MCCC2: variants seen among roughly 807,000 people sequenced by gnomAD.
MCCC2 encodes methylcrotonoyl-CoA carboxylase beta chain, mitochondrial.
Under a neutral mutation model 77.2 loss-of-function variants are expected in MCCC2, and 52 were observed. That is an observed-to-expected ratio of 0.67 (90% CI 0.54 to 0.85). The LOEUF (loss-of-function observed/expected upper bound fraction) is 0.85. MCCC2 is among the 40% of genes least tolerant of loss of function. The pLI is 0.00. For missense variants in MCCC2, 682 were observed against 703.2 expected, an observed-to-expected ratio of 0.97 and a Z score of 0.34; for synonymous variants, 253 against 248.4, an observed-to-expected ratio of 1.02 and a Z score of -0.18.
chr5:71,652,337 G>A (rs933635792), intron 15 of MCCC2, among the ~76,000 whole-genome samples: 5 of 152,130 alleles, frequency 3.3e-5, no homozygotes, highest in African/African-American at 1.2e-4. Context: ...TTCTTAACTG[G>A]AGGTTGCTAA....
rs866955568 is a variant in MCCC2, at chr5:71,587,412, C to T, written c.-14C>T. ...GGCCAGCGTGGGCCGCTCTCTCGCT[C>T]GGTGCCCGCCGCCATGTGGGCCGTC... On this transcript the variant is annotated 5_prime_UTR_variant, in exon 1 of 17. Coordinates refer to ENST00000340941, the MANE Select transcript of MCCC2 (RefSeq NM_022132.5). The T allele has an allele frequency of 9.1e-6, 14 of 1,533,044 alleles. No homozygotes were observed. Among genetic ancestry groups the T allele is most frequent in the African/African-American group, 1.4e-5 (1 of 72,870 alleles). The allele number at this position is 1,533,044 out of a possible 1,614,324, so 95.0% of individuals were successfully genotyped here. A position where few individuals can be genotyped will look rare whatever the true frequency, so the allele number is the denominator to read the frequency against.
chr5:71,644,357 A>G (rs1056228675), intron 12 of MCCC2, among the ~76,000 whole-genome samples: 1 of 152,122 alleles, frequency 6.6e-6, no homozygotes, highest in Non-Finnish European at 1.5e-5. Context: ...ATTCTCTTCT[A>G]TCCCATTATC....
At chr5:71,594,913 T>TA (rs1366819273) in intron 2 of MCCC2, among the ~76,000 whole-genome samples, 2 of 149,468 alleles carry the variant, frequency 1.3e-5, no homozygotes, top group African/African-American at 2.5e-5. Flanking sequence ...TTTTTTTTTT[T>TA]ACTGAGACGG....
chr5:71,626,758 G>C lies in MCCC2; in HGVS notation c.738+5G>C, dbSNP rs767622814. ...TTCTTGGCAGGACCCCCCTTGGTAA[G>C]AACATAAGAACGTTGGTCGATGGAA... On this transcript the variant is annotated splice_donor_5th_base_variant and intron_variant, in intron 7 of 16. Coordinates refer to ENST00000340941, the MANE Select transcript of MCCC2 (RefSeq NM_022132.5). The C allele has an allele frequency of 2.5e-6, 4 of 1,612,324 alleles. No individual in the cohort carries two copies. Among genetic ancestry groups the C allele is most frequent in the Non-Finnish European group, 3.4e-6 (4 of 1,178,414 alleles).
intron 10 of MCCC2, among the ~76,000 whole-genome samples, chr5:71,637,726 T>C (rs1746977952): frequency 6.6e-6 from 1 of 152,146 alleles, no homozygotes; most frequent in Admixed American, 6.5e-5. Context: ...GGGTAGAACT[T>C]TGTTTTTTTT....
At chr5:71,656,617 A>C in intron 16 of MCCC2, 126 bp from the exon 17 acceptor site, 2 of 793,328 alleles carry the variant, frequency 2.5e-6, no homozygotes, top group South Asian at 1.4e-5. Flanking sequence ...ATTATGGTAC[A>C]TGGATGCTAA....
intron 6 of MCCC2, among the ~76,000 whole-genome samples, chr5:71,609,588 C>T (rs1217426222): frequency 1.3e-5 from 2 of 150,316 alleles, no homozygotes; most frequent in African/African-American, 4.9e-5. Flanking sequence ...ATTCCCCATC[C>T]AGCTTTGTTC....
chr5:71,599,856 T>C (rs1457293738), intron 4 of MCCC2, 96 bp downstream of exon 4: 1 of 963,142 alleles, frequency 1.0e-6, no homozygotes, highest in Non-Finnish European at 1.7e-6. Flanking sequence ...AGCATGCGAT[T>C]TGTATGCTAT....
chr5:71,632,267 C>T, intron 8 of MCCC2, 82 bp downstream of exon 8: 1 of 1,381,362 alleles, frequency 7.2e-7, no homozygotes, highest in Non-Finnish European at 1.0e-6. Flanking sequence ...GTATTTGTTT[C>T]CAGTGCTAAA....
intron 4 of MCCC2, among the ~76,000 whole-genome samples, chr5:71,601,715 C>G (rs1322356693): frequency 6.6e-6 from 1 of 152,140 alleles, no homozygotes; most frequent in Non-Finnish European, 1.5e-5. Flanking sequence ...ACACAAACAT[C>G]AGAAACATAA....
At chr5:71,633,548 T>C (rs969454818) in intron 8 of MCCC2, among the ~76,000 whole-genome samples, 27 of 134,298 alleles carry the variant, frequency 2.0e-4, no homozygotes, top group African/African-American at 6.8e-4. Context: ...TTGGGGGTGA[T>C]GAATTTTTTT....
At chr5:71,626,900 C>G (rs1351550017) in intron 7 of MCCC2, 147 bp downstream of exon 7, 3 of 775,368 alleles carry the variant, frequency 3.9e-6, no homozygotes, top group Non-Finnish European at 6.6e-6. Flanking sequence ...TTCAGTACAG[C>G]TTGGTGACGT....
intron 10 of MCCC2, among the ~76,000 whole-genome samples, chr5:71,639,510 G>A (rs546162126): frequency 7.2e-5 from 11 of 152,076 alleles, no homozygotes; most frequent in Non-Finnish European, 1.2e-4. Flanking sequence ...CCTTGCTCTG[G>A]ATTAAAGGGA....
intron 15 of MCCC2, among the ~76,000 whole-genome samples, chr5:71,651,270 G>A (rs1293884520): frequency 1.3e-5 from 2 of 152,096 alleles, no homozygotes; most frequent in Non-Finnish European, 2.9e-5. Flanking sequence ...GGAGGGCTCC[G>A]TCATCTATTG....
rs932558816 is a variant in MCCC2, at chr5:71,631,892, A to T, written c.739-229A>T. ...CTCAAATGAGACTCCATTGCTTGCT[A>T]TGGACTGTAAGCAAGTTCTTTGTGA... On this transcript the variant is annotated intron_variant, in intron 7 of 16. Coordinates refer to ENST00000340941, the MANE Select transcript of MCCC2 (RefSeq NM_022132.5). 2.0e-5 allele frequency among the ~76,000 whole-genome samples: 3 copies of T among 152,056 alleles called. No individual in the cohort carries two copies. The South Asian group carries it at 6.2e-4, about 31-fold the overall frequency.
intron 2 of MCCC2, among the ~76,000 whole-genome samples, chr5:71,593,411 A>G (rs1052316752): frequency 6.6e-6 from 1 of 151,862 alleles, no homozygotes; most frequent in Admixed American, 6.6e-5. Context: ...TCTTAAGACT[A>G]TGCATTTGTT....
At chr5:71,594,933 C>G (rs1185902488) in intron 2 of MCCC2, among the ~76,000 whole-genome samples, 1 of 147,224 alleles carries the variant, frequency 6.8e-6, no homozygotes, top group African/African-American at 2.5e-5. Context: ...GAGTCTTGCT[C>G]TGTCACTCAG....
intron 7 of MCCC2, among the ~76,000 whole-genome samples, chr5:71,629,190 C>T (rs867609222): frequency 2.8e-5 from 4 of 144,126 alleles, no homozygotes; most frequent in African/African-American, 5.2e-5. Context: ...GGCAACAGAG[C>T]GAGACTCCAT....
chr5:71,634,828 T>G (rs561615334), intron 8 of MCCC2, 115 bp from the exon 9 acceptor site: 2 of 891,114 alleles, frequency 2.2e-6, no homozygotes, highest in African/African-American at 3.4e-5. Flanking sequence ...ATTTTTTAAG[T>G]GTTTTAGAAG....
Sources: allele counts gnomAD v4.1 joint callset (sites outside exome capture counted in the v4.1 genomes callset), GRCh38; gene constraint gnomAD v4.1.1; transcripts MANE v1.5; gene names NCBI Gene and HGNC (gene_info 2026-07-23, HGNC 2026-07-21).